Variants in COL4A5 observed in about 807,000 individuals in gnomAD.
COL4A5 encodes collagen alpha-5(IV) chain.
A neutral mutation model predicts 130.2 loss-of-function variants in COL4A5; 26 were observed. That is an observed-to-expected ratio of 0.20 (90% CI 0.15 to 0.28). The LOEUF (loss-of-function observed/expected upper bound fraction) is 0.28. Ranked by LOEUF, COL4A5 falls within the 10% of genes least tolerant of loss-of-function variation. The probability of loss-of-function intolerance (pLI) is 1.00; values close to 1 mark genes in which losing one functional copy is unlikely to be tolerated. For synonymous variants in COL4A5, 496 were observed against 439.6 expected, an observed-to-expected ratio of 1.13 and a Z score of -1.60; for missense variants, 1,131 against 1,344.3, an observed-to-expected ratio of 0.84 and a Z score of 2.48.
At chrX:108,644,817 T>C (rs1569502677) in intron 36 of COL4A5, among the ~76,000 whole-genome samples, 1 of 107,490 alleles carries the variant, frequency 9.3e-6, no homozygotes, top group African/African-American at 3.4e-5. Flanking sequence ...GGAGAATCAC[T>C]TGAACCCGGG....
At chrX:108,495,125 T>A (rs531810993) in intron 1 of COL4A5, among the ~76,000 whole-genome samples, 1 of 111,104 alleles carries the variant, frequency 9.0e-6, no homozygotes, top group South Asian at 3.8e-4. Context: ...AAGAATAACT[T>A]TTTTTTTCAA....
intron 36 of COL4A5, among the ~76,000 whole-genome samples, chrX:108,635,981 G>T (rs751898718): frequency 8.9e-6 from 1 of 112,083 alleles, no homozygotes; most frequent in East Asian, 2.8e-4. Context: ...CCCAAAAGGG[G>T]TAAGGAGTGG....
At chrX:108,502,829 T>C (rs1237965472) in intron 1 of COL4A5, among the ~76,000 whole-genome samples, 1 of 111,763 alleles carries the variant, frequency 8.9e-6, no homozygotes, top group Non-Finnish European at 1.9e-5. Context: ...AAATAAACAT[T>C]GTCTTGACTT....
intron 1 of COL4A5, among the ~76,000 whole-genome samples, chrX:108,526,169 T>C (rs1258295140): frequency 1.8e-5 from 2 of 111,425 alleles, no homozygotes; most frequent in Admixed American, 9.5e-5. Flanking sequence ...GGAGCCCTGG[T>C]TTATGGATGC....
At chrX:108,596,288 T>C (rs2066515348) in intron 22 of COL4A5, among the ~76,000 whole-genome samples, 1 of 112,283 alleles carries the variant, frequency 8.9e-6, no homozygotes, top group African/African-American at 3.2e-5. Flanking sequence ...TAGACATTAT[T>C]GGACATTAAT....
intron 39 of COL4A5, 127 bp from the exon 40 acceptor site, chrX:108,667,006 G>A (rs1250152733): frequency 1.8e-6 from 1 of 562,179 alleles, no homozygotes; most frequent in Admixed American, 2.7e-5. Flanking sequence ...TAAATCTTCT[G>A]CATGTTTCAT....
intron 1 of COL4A5, among the ~76,000 whole-genome samples, chrX:108,452,068 T>C (rs1288934694): frequency 8.9e-6 from 1 of 112,107 alleles, no homozygotes; most frequent in Non-Finnish European, 1.9e-5. Context: ...CCAGCACCAT[T>C]TATTAAATAG....
intron 36 of COL4A5, chrX:108,627,312 C>A: frequency 2.9e-6 from 2 of 689,154 alleles, no homozygotes; most frequent in Non-Finnish European, 3.4e-6. Context: ...CCTCTTTTTA[C>A]CATTCCTTTC....
At chrX:108,640,647 A>T in intron 36 of COL4A5, among the ~76,000 whole-genome samples, 2 of 111,592 alleles carry the variant, frequency 1.8e-5, no homozygotes, top group Non-Finnish European at 3.8e-5. Context: ...GATAAAAAAA[A>T]TTCTGGAGAT....
At chrX:108,559,208 TGG>T in intron 3 of COL4A5, 55 bp downstream of exon 3, 1 of 899,697 alleles carries the variant, frequency 1.1e-6, no homozygotes, top group Non-Finnish European at 1.6e-6. Flanking sequence ...ATCTTAAATG[TGG>T]GACTAGGTGT....
At chrX:108,579,051 A>G (rs914972986) in intron 13 of COL4A5, among the ~76,000 whole-genome samples, 7 of 98,439 alleles carry the variant, frequency 7.1e-5, no homozygotes, top group East Asian at 4.5e-4. Context: ...TTTAAAGTGT[A>G]CAATTCAATT....
In COL4A5 at chrX:108,440,055, T is replaced by G; in HGVS notation, c.-71T>G. The G allele has an allele frequency of 1.2e-6, 1 of 818,528 alleles. No individual in the cohort carries two copies. Among genetic ancestry groups the G allele is most frequent in the Non-Finnish European group, 1.8e-6 (1 of 547,632 alleles). The allele number at this position is 818,528 out of a possible 1,213,427, so 67.5% of individuals were successfully genotyped here. On this transcript the variant is annotated 5_prime_UTR_variant, in exon 1 of 53. Coordinates refer to ENST00000328300, the MANE Select transcript of COL4A5 (RefSeq NM_033380.3). ...GCTCTCTCCATATAAACCCTCAAGATTATGTCAATTGGTTAGAGCCAGCCG... is the reference window on the plus strand; with the variant it reads ...GCTCTCTCCATATAAACCCTCAAGAGTATGTCAATTGGTTAGAGCCAGCCG...
At chrX:108,604,053 T>C (rs1039863482) in intron 28 of COL4A5, among the ~76,000 whole-genome samples, 4 of 112,106 alleles carry the variant, frequency 3.6e-5, no homozygotes, top group African/African-American at 1.3e-4. Context: ...ACTTACTCCA[T>C]TGAAGTCTTG....
chrX:108,640,228 T>C (rs1421118838), intron 36 of COL4A5, among the ~76,000 whole-genome samples: 1 of 111,946 alleles, frequency 8.9e-6, no homozygotes, highest in Non-Finnish European at 1.9e-5. Context: ...AATATTCTGA[T>C]ACATACTACA....
intron 1 of COL4A5, among the ~76,000 whole-genome samples, chrX:108,509,118 G>A (rs1380613345): frequency 8.9e-5 from 10 of 112,054 alleles, no homozygotes; most frequent in Non-Finnish European, 1.7e-4. Flanking sequence ...ACTATCAACA[G>A]ACTAAAAAGA....
intron 2 of COL4A5, among the ~76,000 whole-genome samples, chrX:108,545,391 C>T (rs1032568814): frequency 2.7e-5 from 3 of 111,417 alleles, no homozygotes; most frequent in Non-Finnish European, 3.8e-5. Flanking sequence ...AGGAGCCGGT[C>T]GTTCAGTTTC....
At chrX:108,637,309 A>G (rs1162536878) in intron 36 of COL4A5, among the ~76,000 whole-genome samples, 1 of 111,501 alleles carries the variant, frequency 9.0e-6, no homozygotes, top group East Asian at 2.8e-4. Context: ...GCAATGCTAA[A>G]TGGGAAATTA....
At chrX:108,470,009 C>G (rs1007267756) in intron 1 of COL4A5, among the ~76,000 whole-genome samples, 1 of 112,277 alleles carries the variant, frequency 8.9e-6, no homozygotes, top group African/African-American at 3.2e-5. Flanking sequence ...TGTATATGTA[C>G]CACATATTCT....
rs750574551 is a variant in COL4A5, at chrX:108,621,804, T to C, written c.2679T>C (p.Gly893=). 5 of 1,197,029 alleles carry C rather than the reference T, an allele frequency of 4.2e-6. No homozygotes were observed. The East Asian group carries it at 1.5e-4, about 35-fold the overall frequency. The part of the protein sequence containing the change: ...PGKAGASGFP[G]TKGEMGMMGP... Reference sequence around the variant, plus strand: ...ATTACTTATTGATATTCTTCAAAGGTACCAAAGGTGAAATGGGTATGATGG... The same window carrying C: ...ATTACTTATTGATATTCTTCAAAGGCACCAAAGGTGAAATGGGTATGATGG... Residue 893 remains glycine (G), a splice_region_variant and synonymous_variant, in exon 32 of 53, where the codon GGT becomes GGC. Coordinates refer to ENST00000328300, the MANE Select transcript of COL4A5 (RefSeq NM_033380.3).
Sources: allele counts gnomAD v4.1 joint callset (sites outside exome capture counted in the v4.1 genomes callset), GRCh38; gene constraint gnomAD v4.1.1; transcripts MANE v1.5; gene names NCBI Gene and HGNC (gene_info 2026-07-23, HGNC 2026-07-21).